DCAF6: variants seen among roughly 807,000 people sequenced by gnomAD.
DCAF6 encodes DDB1- and CUL4-associated factor 6.
DCAF6 carries 54 observed loss-of-function variants against 125.1 expected under a neutral mutation model. The observed-to-expected ratio is 0.43, with a 90% CI of 0.35 to 0.54. The LOEUF (loss-of-function observed/expected upper bound fraction) is 0.54, where lower values mean the gene tolerates loss of function less well. Among genes scored for constraint, DCAF6 ranks in the 20% least tolerant of loss-of-function variants. The probability of loss-of-function intolerance (pLI) is 0.01; values close to 1 mark genes in which losing one functional copy is unlikely to be tolerated. For synonymous variants in DCAF6, 371 were observed against 390.4 expected, an observed-to-expected ratio of 0.95 and a Z score of 0.58; for missense variants, 934 against 1,161.7, an observed-to-expected ratio of 0.80 and a Z score of 2.85.
chr1:168,056,299 G>A (rs1203342619), intron 17 of DCAF6: 20 of 1,608,458 alleles, frequency 1.2e-5, no homozygotes, highest in African/African-American at 8.2e-5. Flanking sequence ...GGTCCAGTGC[G>A]TAGCGTACGG....
At chr1:167,896,758 TC>T in the DCAF6 span, 37 of 1,131,730 alleles carry the variant, frequency 3.3e-5, no homozygotes, top group Non-Finnish European at 4.8e-5. Flanking sequence ...AAGTGTAATT[TC>T]TTAGCAGAAA....
chr1:167,871,315 A>G, the DCAF6 span, among the ~76,000 whole-genome samples: 3 of 152,230 alleles, frequency 2.0e-5, no homozygotes, highest in Non-Finnish European at 2.9e-5. Flanking sequence ...TCATGTACAG[A>G]TTATTTCTAT....
chr1:168,034,316 A>G (rs1423240137), intron 12 of DCAF6, among the ~76,000 whole-genome samples: 1 of 152,180 alleles, frequency 6.6e-6, no homozygotes, highest in African/African-American at 2.4e-5. Context: ...GGAGTTCAAG[A>G]CCAGCCTGGA....
At position 168,066,550 on chromosome 1, in the gene DCAF6, T is replaced by TG. The variant is rs1337718317; in HGVS notation, c.2685+86dup. ...CTAAGAAAAATTAAAAGTTATTAGT[T>TG]GCTAACATGAAACAAGTTAATGCAG... On this transcript the variant is annotated intron_variant, in intron 20 of 21. Transcript: ENST00000367840. 8.7e-6 allele frequency: 8 copies of TG among 919,056 alleles called. No homozygotes were observed. In the African/African-American group the frequency reaches 1.2e-4, roughly 13 times the overall value. The allele number at this position is 919,056 out of a possible 1,614,324, so 56.9% of individuals were successfully genotyped here.
intron 21 of DCAF6, among the ~76,000 whole-genome samples, chr1:168,073,402 A>G (rs79646836): frequency 0.03 from 4,574 of 152,308 alleles, 202 homozygotes; most frequent in African/African-American, 0.1. Flanking sequence ...AGAGGTGACT[A>G]TGCATCAGTT....
chr1:168,012,995 A>G (rs1684504972), intron 10 of DCAF6, among the ~76,000 whole-genome samples: 1 of 152,170 alleles, frequency 6.6e-6, no homozygotes, highest in Non-Finnish European at 1.5e-5. Flanking sequence ...AATGAAATTG[A>G]TGGTATTTTT....
At chr1:167,958,655 A>T (rs776204372) in intron 2 of DCAF6, among the ~76,000 whole-genome samples, 13 of 152,164 alleles carry the variant, frequency 8.5e-5, no homozygotes, top group Non-Finnish European at 1.8e-4. Flanking sequence ...TGGCTCAGAC[A>T]TTTCATTGTA....
At chr1:167,947,852 G>A (rs1340029466) in intron 1 of DCAF6, among the ~76,000 whole-genome samples, 1 of 152,164 alleles carries the variant, frequency 6.6e-6, no homozygotes, top group Non-Finnish European at 1.5e-5. Flanking sequence ...GCAGTTGTTG[G>A]ATAGAATGTT....
the DCAF6 span, among the ~76,000 whole-genome samples, chr1:167,901,425 C>A: frequency 3.3e-5 from 5 of 152,132 alleles, no homozygotes; most frequent in Non-Finnish European, 5.9e-5. Context: ...AACTACCATA[C>A]CAACTAATTT....
At chr1:167,890,337 G>T in the DCAF6 span, among the ~76,000 whole-genome samples, 2 of 152,170 alleles carry the variant, frequency 1.3e-5, no homozygotes, top group African/African-American at 2.4e-5. Context: ...TCTTAAATAA[G>T]ATCCAGAAGA....
chr1:167,874,420 A>G, the DCAF6 span, among the ~76,000 whole-genome samples: 1 of 152,276 alleles, frequency 6.6e-6, no homozygotes, highest in Admixed American at 6.5e-5. Context: ...AATGGAAACC[A>G]TAATAAGATA....
the DCAF6 span, chr1:167,875,171 C>T: frequency 1.3e-5 from 21 of 1,613,998 alleles, no homozygotes; most frequent in Middle Eastern, 1.6e-4. Context: ...AGATGAGGCA[C>T]GCCATACCAA....
At chr1:167,910,777 G>A in the DCAF6 span, among the ~76,000 whole-genome samples, 3 of 152,186 alleles carry the variant, frequency 2.0e-5, no homozygotes, top group Non-Finnish European at 2.9e-5. Flanking sequence ...GAACTGAGCA[G>A]GGCGTAGCTC....
rs1297909726 is a variant in DCAF6 at position 167,939,857 on chromosome 1, A to T, written c.97+2849A>T. Among the ~76,000 whole-genome samples, 8 of 152,330 alleles carry T rather than the reference A, an allele frequency of 5.3e-5. No homozygotes were observed. The East Asian group carries it at 1.5e-3, about 29-fold the overall frequency. ...AGTTAGGATTTTCCTAAGGAAATAG[A>T]TTCCTTTTTTAAAAGACTTCAATAT... is the stretch of plus-strand genomic sequence containing the variant. On this transcript the variant is annotated intron_variant, in intron 1 of 21. Transcript: ENST00000367840.
At chr1:167,885,437 C>T in the DCAF6 span, among the ~76,000 whole-genome samples, 72 of 152,146 alleles carry the variant, frequency 4.7e-4, 1 homozygote, top group South Asian at 2.7e-3. Context: ...TTTTCCACAT[C>T]CTGTCCAGCG....
Position 168,053,394 on chromosome 1 carries a change from T to G in DCAF6, c.2300+2461T>G, listed in dbSNP as rs180708133. Among the ~76,000 whole-genome samples the G allele has an allele frequency of 1.6e-3, 244 of 152,366 alleles. 1 individual carries two copies. The highest frequency in any genetic ancestry group is 0.01 in the Middle Eastern group (3 of 294). On this transcript the variant is annotated intron_variant, in intron 17 of 21. Coordinates refer to ENST00000367840, the MANE Select transcript of DCAF6 (RefSeq NM_001198956.2). ...CCCTGCATGATATGGGTTTTTGCTT[T>G]CTTTCTCTGCTTCCTAAAACTTGAA...
the DCAF6 span, chr1:167,924,382 T>C: frequency 6.4e-6 from 5 of 785,936 alleles, no homozygotes; most frequent in East Asian, 8.4e-5. Context: ...TGAAATCATC[T>C]AGAGGCATAC....
chr1:167,868,510 T>G, the DCAF6 span, among the ~76,000 whole-genome samples: 2 of 152,060 alleles, frequency 1.3e-5, no homozygotes, highest in Non-Finnish European at 2.9e-5. Context: ...ATTCAGTAAA[T>G]TTCCAAAGTT....
chr1:167,887,241 G>A, the DCAF6 span, among the ~76,000 whole-genome samples: 1 of 152,270 alleles, frequency 6.6e-6, no homozygotes, highest in Admixed American at 6.5e-5. Context: ...AAAGACACAT[G>A]CACATGTATG....
Sources: gnomAD v4.1 joint callset for allele counts (sites outside exome capture counted in the v4.1 genomes callset) on GRCh38, gnomAD v4.1.1 for gene constraint, MANE v1.5 for transcripts, NCBI Gene and HGNC (gene_info 2026-07-23, HGNC 2026-07-21) for gene names.